Variants in GLI3 observed in about 807,000 individuals in gnomAD.
The protein encoded by GLI3 is transcription activator GLI3.
In GLI3, 20 loss-of-function variants were observed where a neutral mutation model predicts 100.8. That is an observed-to-expected ratio of 0.20 (90% CI 0.14 to 0.29). GLI3 has a LOEUF of 0.29. Ranked by LOEUF, GLI3 falls within the 10% of genes least tolerant of loss-of-function variation. GLI3 has a pLI of 1.00. For synonymous variants in GLI3, 938 were observed against 860.5 expected (o/e 1.09, Z -1.58); for missense variants, 2,040 against 2,128.5 (o/e 0.96, Z 0.82).
chr7:42,013,721 T>C (rs1788683189), intron 10 of GLI3, among the ~76,000 whole-genome samples: 1 of 152,122 alleles, frequency 6.6e-6, no homozygotes, highest in East Asian at 1.9e-4. Flanking sequence ...GGAAAAATGA[T>C]AACAATCACA....
intron 3 of GLI3, among the ~76,000 whole-genome samples, chr7:42,109,995 G>A (rs1426657289): frequency 6.6e-6 from 1 of 152,160 alleles, no homozygotes. Context: ...TCTGTGAATG[G>A]AATTAAGTGT....
rs1224837546 is a variant in GLI3 at position 41,964,762 on chromosome 7, C to T, written c.4311G>A (p.Gln1437=). ...GQPHPLCSNL[Q]NYSGQFYDQT... is the part of the protein sequence containing the mutation. The stretch of plus-strand genomic sequence containing the variant: ...GGTCATAGAACTGACCAGAGTAATT[C>T]TGCAGATTAGAGCACAGCGGATGGG... The change falls in exon 15 of 15, where the codon CAG becomes CAA. Residue 1437 remains glutamine (Q), a synonymous_variant. Transcript: ENST00000395925. 1.9e-6 allele frequency: 3 copies of T among 1,613,960 alleles called. No individual in the cohort carries two copies. Among genetic ancestry groups the T allele is most frequent in the African/African-American group, 2.7e-5 (2 of 74,932 alleles).
At position 42,262,208 on chromosome 7, in the gene GLI3, CTTT is replaced by C. The variant is rs1423242488; in HGVS notation, c.-43+1783_-43+1785del. 3.9e-5 allele frequency among the ~76,000 whole-genome samples: 5 copies of C among 127,276 alleles called. 1 individual carries two copies. The highest frequency in any genetic ancestry group is 6.9e-5 in the African/African-American group (2 of 28,840). 83.5% of individuals were successfully genotyped at this position (127,276 alleles called of 152,430 possible). ...TTTCTTTTATTTTTTTTCCTTCCTT[CTTT>C]CCTTCCTTCCTTCTTTCCTTCCTTC... is the stretch of plus-strand genomic sequence containing the variant. On this transcript the variant is annotated intron_variant, in intron 1 of 2. Transcript: ENST00000678978.
At position 41,997,772 on chromosome 7, in the gene GLI3, A is replaced by C. The variant is rs543496043; in HGVS notation, c.1498-19024T>G. Among the ~76,000 whole-genome samples the C allele has an allele frequency of 3.3e-5, 5 of 152,288 alleles. No homozygotes were observed. In the South Asian group the frequency reaches 6.2e-4, roughly 19 times the overall value. On this transcript the variant is annotated intron_variant, in intron 10 of 14. Coordinates refer to ENST00000395925, the MANE Select transcript of GLI3 (RefSeq NM_000168.6). The stretch of plus-strand genomic sequence containing the variant: ...TGGTACCCCACAGGCCTTCACCCTG[A>C]CTTCCACACGCAGGTGCTCAGGAAC...
chr7:42,107,308 C>A (rs1001142405), intron 3 of GLI3, among the ~76,000 whole-genome samples: 1 of 152,006 alleles, frequency 6.6e-6, no homozygotes, highest in Non-Finnish European at 1.5e-5. Context: ...CCAGCCTGGG[C>A]GACAGTGACC....
rs371669222 is a variant in GLI3 at position 42,045,579 on chromosome 7, A to G, written c.680-49T>C. 5 of 1,590,338 alleles carry G rather than the reference A, an allele frequency of 3.1e-6. No homozygotes were observed. The African/African-American group carries it at 5.4e-5, about 17-fold the overall frequency. On this transcript the variant is annotated intron_variant, in intron 5 of 14. Coordinates refer to ENST00000395925, the MANE Select transcript of GLI3 (RefSeq NM_000168.6). ...GGTTACTAGCGAAAGAAGGTCAACT[A>G]GAAGTTTCTCTTGAGGCATCTCAGA...
At position 42,219,041 on chromosome 7, in the gene GLI3, A is replaced by AAC. The variant is rs1788431958; in HGVS notation, c.124+4087_124+4088dup. On this transcript the variant is annotated intron_variant, in intron 2 of 14. Transcript: ENST00000395925. ...TGAAAAAAACTCTTATTATTTAGAA[A>AAC]ACACAACATGTAGCTTATGAAGTAA... Among the ~76,000 whole-genome samples, 3 of 152,234 alleles carry AAC rather than the reference A, an allele frequency of 2.0e-5. No homozygotes were observed. In the South Asian group the frequency reaches 6.2e-4, roughly 31 times the overall value.
At position 42,232,808 on chromosome 7, in the gene GLI3, G is replaced by T. The variant is rs546183445; in HGVS notation, c.-43+4163C>A. ...AAAGCCACCTTATTAACTATGTAAT[G>T]GCTTTTTCATTCAGCTTCTTTAGAA... is the stretch of plus-strand genomic sequence containing the variant. On this transcript the variant is annotated intron_variant, in intron 1 of 14. Coordinates refer to ENST00000395925, the MANE Select transcript of GLI3 (RefSeq NM_000168.6). 1.2e-4 allele frequency among the ~76,000 whole-genome samples: 18 copies of T among 152,250 alleles called. 1 individual carries two copies. The South Asian group carries it at 3.7e-3, about 32-fold the overall frequency.
intron 3 of GLI3, among the ~76,000 whole-genome samples, chr7:42,085,048 A>G (rs962465809): frequency 7.3e-5 from 11 of 151,662 alleles, no homozygotes; most frequent in African/African-American, 2.7e-4. Flanking sequence ...AGTAGCTGGG[A>G]TTACAGGTGC....
rs188401020 is a variant in GLI3 at position 42,164,388 on chromosome 7, C to T, written c.125-15920G>A. 4.1e-4 allele frequency among the ~76,000 whole-genome samples: 63 copies of T among 152,050 alleles called. 1 individual carries two copies. Among genetic ancestry groups the T allele is most frequent in the Non-Finnish European group, 1.2e-4 (8 of 67,982 alleles). ...TGCAAAAATTAGCTGGGCATGGTGGCGCAGGCCTGTAGTCCCAACTTCTTG... is the reference window on the plus strand; with the variant it reads ...TGCAAAAATTAGCTGGGCATGGTGGTGCAGGCCTGTAGTCCCAACTTCTTG... On this transcript the variant is annotated intron_variant, in intron 2 of 14. Coordinates refer to ENST00000395925, the MANE Select transcript of GLI3 (RefSeq NM_000168.6).
intron 4 of GLI3, among the ~76,000 whole-genome samples, chr7:42,068,545 AC>A (rs1247888699): frequency 6.6e-6 from 1 of 152,096 alleles, no homozygotes; most frequent in Non-Finnish European, 1.5e-5. Context: ...GTTACTTCAT[AC>A]TCAAAAAGTT....
chr7:42,252,242 C>T (rs531374234), intron 1 of GLI3, among the ~76,000 whole-genome samples: 1 of 152,098 alleles, frequency 6.6e-6, no homozygotes, highest in Non-Finnish European at 1.5e-5. Context: ...AATGCAGGAA[C>T]AGCAAACCAA....
At chr7:42,079,155 G>C (rs1051079507) in intron 3 of GLI3, among the ~76,000 whole-genome samples, 27 of 152,134 alleles carry the variant, frequency 1.8e-4, no homozygotes, top group Admixed American at 9.8e-4. Context: ...ATTGAAAGTT[G>C]ATTTGGTAAG....
rs116968546 is a variant in GLI3, at chr7:42,136,908, G to A, written c.367+11318C>T. Among the ~76,000 whole-genome samples, 348 of 152,292 alleles carry A rather than the reference G, an allele frequency of 2.3e-3. 3 individuals carry two copies. Among genetic ancestry groups the A allele is most frequent in the South Asian group, 0.015 (71 of 4,820 alleles). On this transcript the variant is annotated intron_variant, in intron 3 of 14. Transcript: ENST00000395925. ...CCCAAACCACTGGCAACCTAGCCACGCTCTTGCACAGATCTGGACTATCAT... is the reference window on the plus strand; with the variant it reads ...CCCAAACCACTGGCAACCTAGCCACACTCTTGCACAGATCTGGACTATCAT...
In GLI3 at chr7:41,967,326, T is replaced by C. The variant is rs114355346; in HGVS notation, c.2431+270A>G. 0.013 allele frequency among the ~76,000 whole-genome samples: 1,919 copies of C among 152,336 alleles called. 39 individuals are homozygous for C. Among genetic ancestry groups the C allele is most frequent in the African/African-American group, 0.045 (1,857 of 41,572 alleles). On this transcript the variant is annotated intron_variant, in intron 14 of 14. Coordinates refer to ENST00000395925, the MANE Select transcript of GLI3 (RefSeq NM_000168.6). ...ACCACAGATGCCTCCACTGCTGGCA[T>C]TCCCTTACCCTAATCTAACAGTTAT...
At chr7:42,230,866 A>G (rs1351262057) in intron 1 of GLI3, among the ~76,000 whole-genome samples, 1 of 152,190 alleles carries the variant, frequency 6.6e-6, no homozygotes, top group Non-Finnish European at 1.5e-5. Flanking sequence ...GATACAGGCA[A>G]TCCTTCTCAG....
chr7:42,014,486 C>T lies in GLI3; in HGVS notation c.1497+8982G>A, dbSNP rs188024525. The stretch of plus-strand genomic sequence containing the variant: ...TAGCTATAATCATAGATAAAATTTT[C>T]CCATACTTTCTGTACCCTTTAACTT... On this transcript the variant is annotated intron_variant, in intron 10 of 14. Coordinates refer to ENST00000395925, the MANE Select transcript of GLI3 (RefSeq NM_000168.6). Among the ~76,000 whole-genome samples the T allele has an allele frequency of 5.3e-5, 8 of 152,298 alleles. No individual in the cohort carries two copies. In the East Asian group the frequency reaches 1.5e-3, roughly 29 times the overall value.
chr7:42,241,693 C>T (rs1328796137), upstream of GLI3, among the ~76,000 whole-genome samples: 1 of 152,224 alleles, frequency 6.6e-6, no homozygotes, highest in Non-Finnish European at 1.5e-5. Context: ...CAGATGTCTG[C>T]TGTGTCCCTC....
chr7:42,094,191 G>A (rs993428562), intron 3 of GLI3, among the ~76,000 whole-genome samples: 7 of 152,144 alleles, frequency 4.6e-5, no homozygotes, highest in Non-Finnish European at 8.8e-5. Flanking sequence ...GCTCTTCAAC[G>A]ATGCTGACTC....
Sources: gnomAD v4.1 joint callset for allele counts (sites outside exome capture counted in the v4.1 genomes callset) on GRCh38, gnomAD v4.1.1 for gene constraint, MANE v1.5 for transcripts, NCBI Gene and HGNC (gene_info 2026-07-23, HGNC 2026-07-21) for gene names.